C4orf36: variants seen among roughly 807,000 people sequenced by gnomAD.
The protein encoded by C4orf36 is chromosome 4 open reading frame 36, also known as uncharacterized protein C4orf36.
C4orf36 carries 11 observed loss-of-function variants against 12.2 expected under a neutral mutation model. The ratio of observed to expected loss-of-function variants is 0.90; its 90% CI spans 0.57 to 1.49. C4orf36 has a LOEUF of 1.49. Among genes scored for constraint, C4orf36 ranks in the 40% most tolerant of loss-of-function variants. The pLI is 0.00. For synonymous variants in C4orf36, 54 were observed against 51.3 expected (o/e 1.05, Z -0.22); for missense variants, 137 against 133.9 (o/e 1.02, Z -0.11).
At chr4:86,894,694 A>G (rs1747551451), upstream of C4orf36, among the ~76,000 whole-genome samples, 1 of 152,214 alleles carries the variant, frequency 6.6e-6, no homozygotes, top group African/African-American at 2.4e-5. Context: ...ATTACTGTGT[A>G]TGACTTCTGA....
chr4:86,888,298 C>G (rs777679763), intron 2 of C4orf36, 23 bp from the exon 3 acceptor site: 7 of 1,607,642 alleles, frequency 4.4e-6, no homozygotes. Flanking sequence ...TTCATTAATC[C>G]ATTCAATAAA....
chr4:86,909,688 C>T, the C4orf36 span, among the ~76,000 whole-genome samples: 5 of 152,032 alleles, frequency 3.3e-5, no homozygotes. Flanking sequence ...GAACCAACTA[C>T]ACACCCTTCT....
chr4:86,904,727 CT>C, the C4orf36 span, among the ~76,000 whole-genome samples: 1 of 151,776 alleles, frequency 6.6e-6, no homozygotes, highest in Non-Finnish European at 1.5e-5. Context: ...GGCCGCATCT[CT>C]AAATAATAAT....
the C4orf36 span, among the ~76,000 whole-genome samples, chr4:86,912,047 G>C: frequency 2.0e-5 from 3 of 151,990 alleles, no homozygotes; most frequent in African/African-American, 7.2e-5. Context: ...TGTTTGTTTT[G>C]TATTTTTAGT....
intron 2 of C4orf36, among the ~76,000 whole-genome samples, chr4:86,889,499 C>T (rs1747311188): frequency 6.6e-6 from 1 of 152,160 alleles, no homozygotes; most frequent in African/African-American, 2.4e-5. Context: ...TACATAGCAC[C>T]TACTACTAGG....
chr4:86,910,705 C>T, the C4orf36 span, among the ~76,000 whole-genome samples: 48 of 152,246 alleles, frequency 3.2e-4, no homozygotes, highest in African/African-American at 9.6e-4. Flanking sequence ...AAAGGGAAAT[C>T]GGTCCATGGC....
At chr4:86,900,146 C>A in the C4orf36 span, among the ~76,000 whole-genome samples, 6 of 151,534 alleles carry the variant, frequency 4.0e-5, no homozygotes, top group East Asian at 1.2e-3. Context: ...AGCAACTCTC[C>A]TCCCTCAGCC....
At chr4:86,908,771 ATTG>A in the C4orf36 span, among the ~76,000 whole-genome samples, 3 of 152,040 alleles carry the variant, frequency 2.0e-5, no homozygotes, top group African/African-American at 7.2e-5. Context: ...ACTACCCACT[ATTG>A]TTGTAGAATC....
chr4:86,905,425 T>C, the C4orf36 span, among the ~76,000 whole-genome samples: 1 of 151,852 alleles, frequency 6.6e-6, no homozygotes, highest in Non-Finnish European at 1.5e-5. Flanking sequence ...GGCAGTTGCG[T>C]GCCTGTAGTC....
chr4:86,886,341 G>A (rs543336043), intron 4 of C4orf36: 125 of 152,264 alleles, frequency 8.2e-4, no homozygotes, highest in African/African-American at 2.6e-3. Flanking sequence ...CCTACAGAAT[G>A]GGAGAAAATT....
chr4:86,914,113 ACT>A, the C4orf36 span: 532 of 1,604,142 alleles, frequency 3.3e-4, 10 homozygotes, highest in South Asian at 5.6e-3. Context: ...TCATTTTCAG[ACT>A]CAAAGTAACA....
the C4orf36 span, chr4:86,913,481 T>C: frequency 1.3e-6 from 1 of 778,138 alleles, no homozygotes; most frequent in Admixed American, 1.8e-5. Context: ...ACATGTTGCG[T>C]TGGATGCTCT....
At chr4:86,886,169 TTG>T (rs1007464021) in intron 4 of C4orf36, among the ~76,000 whole-genome samples, 6 of 152,176 alleles carry the variant, frequency 3.9e-5, no homozygotes, top group Admixed American at 3.9e-4. Flanking sequence ...TCTTTTTTGG[TTG>T]TGTCTCTACC....
chr4:86,892,297 T>TCGGAGGGTCG lies in C4orf36; in HGVS notation c.-198_-189dup. 1.0e-6 allele frequency: 1 copy of TCGGAGGGTCG among 985,678 alleles called. No individual in the cohort carries two copies. The highest frequency in any genetic ancestry group is 5.2e-4 in the Middle Eastern group (1 of 1,912). The allele number at this position is 985,678 out of a possible 1,614,324, so 61.1% of individuals were successfully genotyped here. ...GCCTGGTTACCCGGGCTCCAGGGGC[T>TCGGAGGGTCG]CGGAGGGTCGCGGCCGGGGTACTGA... On this transcript the variant is annotated 5_prime_UTR_variant, in exon 1 of 5. Transcript: ENST00000295898.
the C4orf36 span, among the ~76,000 whole-genome samples, chr4:86,921,971 A>G: frequency 1.3e-5 from 2 of 152,172 alleles, no homozygotes; most frequent in Non-Finnish European, 2.9e-5. Context: ...TTCAAGTATA[A>G]TTTTTTAGAA....
chr4:86,908,599 A>ACTGTCT, the C4orf36 span, among the ~76,000 whole-genome samples: 2 of 132,020 alleles, frequency 1.5e-5, no homozygotes, highest in African/African-American at 5.7e-5. Flanking sequence ...GTACACTTAC[A>ACTGTCT]CTCTCTCTCT....
the C4orf36 span, among the ~76,000 whole-genome samples, chr4:86,930,007 T>G: frequency 1.3e-5 from 2 of 152,204 alleles, no homozygotes; most frequent in Non-Finnish European, 2.9e-5. Flanking sequence ...GGTGATAGTC[T>G]GGAACTTAGA....
upstream of C4orf36, among the ~76,000 whole-genome samples, chr4:86,893,862 A>AT (rs1169159891): frequency 7.2e-6 from 1 of 138,498 alleles, no homozygotes; most frequent in South Asian, 2.4e-4. Flanking sequence ...TTTGGCCTGA[A>AT]TTTTTATTTA....
At chr4:86,900,672 G>C in the C4orf36 span, among the ~76,000 whole-genome samples, 1 of 149,772 alleles carries the variant, frequency 6.7e-6, no homozygotes, top group Non-Finnish European at 1.5e-5. Flanking sequence ...ATCTAAAGCT[G>C]GTGAGTCGAA....
Sources: allele counts gnomAD v4.1 joint callset (sites outside exome capture counted in the v4.1 genomes callset), GRCh38; gene constraint gnomAD v4.1.1; transcripts MANE v1.5; gene names NCBI Gene and HGNC (gene_info 2026-07-23, HGNC 2026-07-21).